Variants in TNFRSF21 observed in about 807,000 individuals in gnomAD.
The protein encoded by TNFRSF21 is TNF receptor superfamily member 21, also known as tumor necrosis factor receptor superfamily member 21.
A neutral mutation model predicts 45.6 loss-of-function variants in TNFRSF21; 19 were observed. The observed-to-expected ratio is 0.42, with a 90% CI of 0.29 to 0.61. The LOEUF (loss-of-function observed/expected upper bound fraction) is 0.61. TNFRSF21 is among the 20% of genes least tolerant of loss of function. The pLI, the probability that TNFRSF21 is intolerant of heterozygous loss-of-function variation, is 0.23. For missense variants in TNFRSF21, 737 were observed against 851.5 expected (o/e 0.87, Z 1.67); for synonymous variants, 314 against 335.5 (o/e 0.94, Z 0.70).
chr6:47,273,790 A>G (rs1762459651), intron 3 of TNFRSF21, among the ~76,000 whole-genome samples: 1 of 151,250 alleles, frequency 6.6e-6, no homozygotes, highest in Non-Finnish European at 1.5e-5. Flanking sequence ...AATCTCCTTA[A>G]GCTGAGGATA....
intron 3 of TNFRSF21, among the ~76,000 whole-genome samples, chr6:47,270,542 C>T (rs1172780880): frequency 6.6e-6 from 1 of 152,158 alleles, no homozygotes; most frequent in Non-Finnish European, 1.5e-5. Flanking sequence ...GTAGATAAAA[C>T]CACAAAGATG....
chr6:47,254,743 A>T, intron 3 of TNFRSF21, among the ~76,000 whole-genome samples: 1 of 152,246 alleles, frequency 6.6e-6, no homozygotes, highest in Non-Finnish European at 1.5e-5. Context: ...TCAGTCTTCC[A>T]ACTTGGCTTG....
intron 3 of TNFRSF21, among the ~76,000 whole-genome samples, chr6:47,260,353 C>A (rs1001543958): frequency 2.6e-5 from 4 of 152,150 alleles, no homozygotes; most frequent in African/African-American, 7.2e-5. Flanking sequence ...ATGGGTTCTT[C>A]CAAGTGAGCT....
intron 1 of TNFRSF21, among the ~76,000 whole-genome samples, chr6:47,292,989 G>A (rs1762748904): frequency 6.6e-6 from 1 of 152,166 alleles, no homozygotes; most frequent in South Asian, 2.1e-4. Context: ...ACTAGGTTGT[G>A]TTCACCTCTA....
intron 3 of TNFRSF21, among the ~76,000 whole-genome samples, chr6:47,258,080 G>A (rs1348715780): frequency 1.3e-5 from 2 of 152,174 alleles, no homozygotes; most frequent in East Asian, 1.9e-4. Flanking sequence ...ATATGTTGGT[G>A]CAAAAGTAAT....
intron 1 of TNFRSF21, among the ~76,000 whole-genome samples, chr6:47,288,573 TAA>T (rs57310382): frequency 3.5e-5 from 5 of 142,312 alleles, no homozygotes; most frequent in African/African-American, 1.0e-4. Flanking sequence ...GAAACAAACA[TAA>T]AAAAAAAAAA....
chr6:47,244,495 C>T (rs1023176095), intron 4 of TNFRSF21, among the ~76,000 whole-genome samples: 6 of 152,004 alleles, frequency 3.9e-5, no homozygotes, highest in Non-Finnish European at 5.9e-5. Context: ...GATTTGTATA[C>T]GGTGTTTTCT....
intron 1 of TNFRSF21, among the ~76,000 whole-genome samples, chr6:47,304,435 C>T (rs556813095): frequency 2.6e-5 from 4 of 152,232 alleles, no homozygotes; most frequent in Non-Finnish European, 4.4e-5. Flanking sequence ...GATATAGTTG[C>T]CTGCAAAGTT....
chr6:47,304,132 G>A (rs191576704), intron 1 of TNFRSF21, among the ~76,000 whole-genome samples: 22 of 152,208 alleles, frequency 1.4e-4, no homozygotes, highest in African/African-American at 4.8e-4. Flanking sequence ...TGGTGACCTG[G>A]CATCACCGGA....
intron 4 of TNFRSF21, among the ~76,000 whole-genome samples, chr6:47,237,210 C>A (rs150137087): frequency 1.1e-3 from 164 of 152,260 alleles, no homozygotes; most frequent in Middle Eastern, 3.4e-3. Flanking sequence ...CAGTTACTAA[C>A]TATAAGTATC....
chr6:47,291,038 C>T (rs533842807), intron 1 of TNFRSF21, among the ~76,000 whole-genome samples: 1 of 152,228 alleles, frequency 6.6e-6, no homozygotes, highest in African/African-American at 2.4e-5. Flanking sequence ...TGAACAGGTG[C>T]TTCCTAGCTC....
At chr6:47,236,130 A>G (rs1361619978) in intron 4 of TNFRSF21, among the ~76,000 whole-genome samples, 1 of 152,242 alleles carries the variant, frequency 6.6e-6, no homozygotes, top group African/African-American at 2.4e-5. Context: ...AGCTACTGGC[A>G]GAAAGCCAGT....
chr6:47,288,487 G>A (rs58852316), intron 1 of TNFRSF21, among the ~76,000 whole-genome samples: 6,602 of 151,844 alleles, frequency 0.043, 473 homozygotes, highest in African/African-American at 0.15. Flanking sequence ...GTCACAGATC[G>A]TTGAGCTGTA....
At chr6:47,309,120 C>T (rs1394870678) in intron 1 of TNFRSF21, among the ~76,000 whole-genome samples, 1 of 152,184 alleles carries the variant, frequency 6.6e-6, no homozygotes, top group Non-Finnish European at 1.5e-5. Context: ...GGGAAAAGCC[C>T]TCAAATGCGC....
intron 3 of TNFRSF21, among the ~76,000 whole-genome samples, chr6:47,257,407 TG>T (rs903773642): frequency 3.9e-5 from 6 of 152,344 alleles, no homozygotes; most frequent in African/African-American, 1.2e-4. Flanking sequence ...TGTTCTTCAC[TG>T]CTGTCCTCTC....
At chr6:47,300,788 A>G (rs2113870392) in intron 1 of TNFRSF21, among the ~76,000 whole-genome samples, 1 of 152,272 alleles carries the variant, frequency 6.6e-6, no homozygotes, top group South Asian at 2.1e-4. Context: ...CTCATTAAGC[A>G]TCACCCCTTT....
In TNFRSF21 at chr6:47,266,598, TTCAAACTGGGACA is replaced by T. The variant is rs151054675; in HGVS notation, c.1244-13090_1244-13078del. On this transcript the variant is annotated intron_variant, in intron 3 of 5. Transcript: ENST00000296861. ...ATTTCCCCAAAGAACAGTCTTTACA[TTCAAACTGGGACA>T]TCAAAGTTATGCTAATAAGAGGTTC... Among the ~76,000 whole-genome samples the T allele has an allele frequency of 3.4e-3, 525 of 152,306 alleles. 7 individuals are homozygous for T. The highest frequency in any genetic ancestry group is 3.4e-3 in the Admixed American group (52 of 15,298).
At chr6:47,283,012 C>T (rs1437985981) in intron 3 of TNFRSF21, among the ~76,000 whole-genome samples, 1 of 152,064 alleles carries the variant, frequency 6.6e-6, no homozygotes, top group African/African-American at 2.4e-5. Flanking sequence ...ATTGCCACGC[C>T]AAATGGTATA....
chr6:47,255,432 G>A (rs1230226318), intron 3 of TNFRSF21, among the ~76,000 whole-genome samples: 1 of 151,754 alleles, frequency 6.6e-6, no homozygotes, highest in Non-Finnish European at 1.5e-5. Context: ...GGGTGAGTGA[G>A]TCCTCTGAAT....
Sources: allele counts gnomAD v4.1 joint callset (sites outside exome capture counted in the v4.1 genomes callset), GRCh38; gene constraint gnomAD v4.1.1; transcripts MANE v1.5; gene names NCBI Gene and HGNC (gene_info 2026-07-23, HGNC 2026-07-21).